CARM1: variants seen among roughly 807,000 people sequenced by gnomAD.
The protein encoded by CARM1 is histone-arginine methyltransferase CARM1.
In CARM1, 14 loss-of-function variants were observed where a neutral mutation model predicts 72.7. The observed-to-expected ratio is 0.19, with a 90% CI of 0.13 to 0.30. CARM1 has a LOEUF of 0.30. Among genes scored for constraint, CARM1 ranks in the 10% least tolerant of loss-of-function variants. CARM1 has a pLI of 1.00. For synonymous variants in CARM1, 333 were observed against 345.5 expected (o/e 0.96, Z 0.40); for missense variants, 432 against 833.7 (o/e 0.52, Z 5.93).
intron 1 of CARM1, among the ~76,000 whole-genome samples, chr19:10,878,448 A>ATTAC (rs1220599396): frequency 2.6e-5 from 4 of 152,152 alleles, no homozygotes; most frequent in Non-Finnish European, 5.9e-5. Flanking sequence ...CCTTGTGCCA[A>ATTAC]TTGTGGCGCT....
intron 1 of CARM1, among the ~76,000 whole-genome samples, chr19:10,886,861 C>T (rs1019043827): frequency 1.3e-5 from 2 of 152,074 alleles, no homozygotes; most frequent in African/African-American, 4.8e-5. Context: ...CAATATTTTG[C>T]CCACGCTGGT....
intron 13 of CARM1, 37 bp from the exon 14 acceptor site, chr19:10,921,013 C>G (rs1324035736): frequency 6.2e-7 from 1 of 1,612,234 alleles, no homozygotes; most frequent in South Asian, 1.1e-5. Context: ...CCTGGCCCCT[C>G]TGCCTCCAGC....
intron 1 of CARM1, among the ~76,000 whole-genome samples, chr19:10,891,589 C>A (rs11879571): frequency 0.21 from 31,687 of 152,216 alleles, 3,614 homozygotes; most frequent in Middle Eastern, 0.31. Context: ...TCCCCTCCCC[C>A]AGCCAGCAGG....
intron 2 of CARM1, among the ~76,000 whole-genome samples, chr19:10,905,994 G>A (rs768476581): frequency 1.2e-4 from 17 of 140,614 alleles, no homozygotes; most frequent in South Asian, 2.3e-4. Flanking sequence ...TGTTGCCCAG[G>A]CTGGAGTTCA....
intron 1 of CARM1, among the ~76,000 whole-genome samples, chr19:10,901,903 A>G (rs535970967): frequency 6.6e-6 from 1 of 151,874 alleles, no homozygotes; most frequent in African/African-American, 2.4e-5. Context: ...GAGCCAAGAT[A>G]GTGCTGCTGC....
At chr19:10,919,728 G>A (rs371402010) in intron 9 of CARM1, 48 bp downstream of exon 9, 2 of 1,573,518 alleles carry the variant, frequency 1.3e-6, no homozygotes, top group Non-Finnish European at 1.7e-6. Context: ...CAGGCCGAAG[G>A]TCAGGGCCAC....
intron 1 of CARM1, among the ~76,000 whole-genome samples, chr19:10,902,139 G>A (rs2074070854): frequency 2.0e-5 from 3 of 151,664 alleles, no homozygotes; most frequent in Admixed American, 2.0e-4. Context: ...CCAGCTACTC[G>A]GGAGGCTGAG....
At chr19:10,890,018 C>T (rs1451851134) in intron 1 of CARM1, among the ~76,000 whole-genome samples, 1 of 152,056 alleles carries the variant, frequency 6.6e-6, no homozygotes, top group Admixed American at 6.6e-5. Context: ...AATGTTGAGG[C>T]GGGAGGATCG....
rs919387724 is a variant in CARM1, at chr19:10,920,817, C to T, written c.1425-17C>T. ...GCAACCCCCTTGCCCCTGCCCATGG[C>T]TCTGTCTCTGCCATAGATACACGGG... On this transcript the variant is annotated splice_polypyrimidine_tract_variant and intron_variant, in intron 12 of 15. Coordinates refer to ENST00000327064, the MANE Select transcript of CARM1 (RefSeq NM_199141.2). The surrounding 1 kb of genome is among the most constrained non-coding windows in gnomAD (Gnocchi z 5.3). 8.1e-6 allele frequency: 13 copies of T among 1,613,772 alleles called. No individual in the cohort carries two copies. The highest frequency in any genetic ancestry group is 8.0e-5 in the African/African-American group (6 of 74,940).
At chr19:10,901,353 G>C (rs1202695898) in intron 1 of CARM1, among the ~76,000 whole-genome samples, 2 of 152,060 alleles carry the variant, frequency 1.3e-5, no homozygotes, top group East Asian at 3.9e-4. Flanking sequence ...TGTTGCCCAG[G>C]CTGGAGTGCA....
intron 1 of CARM1, among the ~76,000 whole-genome samples, chr19:10,903,631 C>A (rs2074082339): frequency 1.3e-5 from 2 of 151,568 alleles, no homozygotes; most frequent in Admixed American, 6.6e-5. Flanking sequence ...CACCATCATA[C>A]CTCACTACAG....
chr19:10,922,483 AAG>A lies in CARM1; in HGVS notation c.*729_*730del, dbSNP rs1370541577. The A allele has an allele frequency of 5.6e-4, 2 of 3,558 alleles. No individual in the cohort carries two copies. Among genetic ancestry groups the A allele is most frequent in the African/African-American group, 3.3e-3 (2 of 598 alleles). The allele number at this position is 3,558 out of a possible 1,614,324, so 0.2% of individuals were successfully genotyped here. A position where few individuals can be genotyped will look rare whatever the true frequency, so the allele number is the denominator to read the frequency against. ...CAGGTCCCCCCCCGCCCCCCCACTCAAGAGTTAGAGCAGGTGGCTGCAGGCCT... is the reference window on the plus strand; with the variant it reads ...CAGGTCCCCCCCCGCCCCCCCACTCAAGTTAGAGCAGGTGGCTGCAGGCCT... On this transcript the variant is annotated 3_prime_UTR_variant, in exon 16 of 16. Coordinates refer to ENST00000327064, the MANE Select transcript of CARM1 (RefSeq NM_199141.2).
At chr19:10,899,822 G>C (rs1325114837) in intron 1 of CARM1, among the ~76,000 whole-genome samples, 3 of 151,628 alleles carry the variant, frequency 2.0e-5, no homozygotes, top group Non-Finnish European at 4.4e-5. Flanking sequence ...CCGGGTTCAA[G>C]CGATTCTCCT....
At chr19:10,877,300 G>A (rs552885407) in intron 1 of CARM1, among the ~76,000 whole-genome samples, 34 of 152,276 alleles carry the variant, frequency 2.2e-4, no homozygotes, top group Admixed American at 1.6e-3. Context: ...CATTTATCCC[G>A]TACCAGACTG....
At chr19:10,875,362 C>G (rs1421236418) in intron 1 of CARM1, among the ~76,000 whole-genome samples, 1 of 151,778 alleles carries the variant, frequency 6.6e-6, no homozygotes, top group Non-Finnish European at 1.5e-5. Context: ...TGGAGTCTCG[C>G]CGTGTTATAG....
At chr19:10,895,006 A>C (rs1481405546) in intron 1 of CARM1, among the ~76,000 whole-genome samples, 1 of 151,884 alleles carries the variant, frequency 6.6e-6, no homozygotes, top group Non-Finnish European at 1.5e-5. Context: ...CAGCTTTCCA[A>C]AGTGTTAGGA....
rs558287107 is a variant in CARM1, at chr19:10,896,809, G to A, written c.221-8142G>A. 2.0e-5 allele frequency among the ~76,000 whole-genome samples: 3 copies of A among 152,200 alleles called. No individual in the cohort carries two copies. Among genetic ancestry groups the A allele is most frequent in the Admixed American group, 6.5e-5 (1 of 15,274 alleles). ...GGGGATCTCTGTCAGTCTGCCACTC[G>A]GCTGTCCTCACCGCCTCTAGGATGG... On this transcript the variant is annotated intron_variant, in intron 1 of 15. Transcript: ENST00000327064. The surrounding 1 kb of genome is among the most constrained non-coding windows in gnomAD (Gnocchi z 5.2).
chr19:10,878,807 C>CT (rs959582502), intron 1 of CARM1, among the ~76,000 whole-genome samples: 2,419 of 140,192 alleles, frequency 0.017, 31 homozygotes, highest in African/African-American at 0.038. Context: ...CTCCCCCCGG[C>CT]TTTTTTTTTT....
At chr19:10,921,294 A>T (rs1157531966) in intron 14 of CARM1, 81 bp from the exon 15 acceptor site, 1 of 1,537,910 alleles carries the variant, frequency 6.5e-7, no homozygotes, top group East Asian at 2.3e-5. Context: ...CTCGCTCTGC[A>T]GCCTGCTGCT....
Sources: allele counts gnomAD v4.1 joint callset (sites outside exome capture counted in the v4.1 genomes callset), GRCh38; gene constraint gnomAD v4.1.1; non-coding constraint Gnocchi (gnomAD v3.1); transcripts MANE v1.5; gene names NCBI Gene and HGNC (gene_info 2026-07-23, HGNC 2026-07-21).